Variants in LINGO2 observed in about 807,000 individuals in gnomAD.
LINGO2 encodes the protein leucine-rich repeat and immunoglobulin-like domain-containing nogo receptor-interacting protein 2.
In LINGO2, 14 loss-of-function variants were observed where a neutral mutation model predicts 30.6. The ratio of observed to expected loss-of-function variants is 0.46; its 90% confidence interval spans 0.30 to 0.72. LINGO2 has a LOEUF of 0.72. Ranked by LOEUF, LINGO2 falls within the 30% of genes least tolerant of loss-of-function variation. The probability of loss-of-function intolerance (pLI) is 0.07; values close to 1 mark genes in which losing one functional copy is unlikely to be tolerated. For synonymous variants in LINGO2, 317 were observed against 288.5 expected (o/e 1.10, Z -1.00); for missense variants, 729 against 751.7 (o/e 0.97, Z 0.35).
the LINGO2 span, among the ~76,000 whole-genome samples, chr9:28,732,636 T>C: frequency 6.6e-6 from 1 of 152,096 alleles, no homozygotes; most frequent in Non-Finnish European, 1.5e-5. Context: ...GAAATAAATA[T>C]AATTAAAAAT....
intron 2 of LINGO2, among the ~76,000 whole-genome samples, chr9:28,451,219 A>G (rs1451777333): frequency 3.3e-5 from 5 of 151,822 alleles, no homozygotes; most frequent in Non-Finnish European, 7.4e-5. Context: ...TTCACTTACA[A>G]TGTTCTTTAT....
At chr9:29,120,235 A>G in the LINGO2 span, among the ~76,000 whole-genome samples, 1 of 152,158 alleles carries the variant, frequency 6.6e-6, no homozygotes, top group Admixed American at 6.5e-5. Context: ...CTCAAACATA[A>G]ATTCAACAAA....
chr9:28,296,325 T>C (rs1194433845), intron 3 of LINGO2, among the ~76,000 whole-genome samples: 1 of 152,170 alleles, frequency 6.6e-6, no homozygotes, highest in Non-Finnish European at 1.5e-5. Context: ...TTAGATTTTT[T>C]ATAACTATAA....
rs552920109 is a variant in LINGO2 at position 28,072,007 on chromosome 9, T to A, written c.-86-59602A>T. On this transcript the variant is annotated intron_variant, in intron 4 of 5. Coordinates refer to ENST00000379992, the Ensembl canonical transcript of LINGO2. ...TATGATCGTCTGGTTAGAGCAAAGA[T>A]TTTCTTGAGACAAGATATACCAATC... Among the ~76,000 whole-genome samples the A allele has an allele frequency of 3.5e-4, 53 of 152,262 alleles. 1 individual carries two copies. In the South Asian group the frequency reaches 9.1e-3, roughly 26 times the overall value.
the LINGO2 span, among the ~76,000 whole-genome samples, chr9:28,932,039 G>A: frequency 4.4e-4 from 67 of 151,556 alleles, no homozygotes; most frequent in South Asian, 5.4e-3. Context: ...ACCGGGAGGC[G>A]AAGGTTGCAG....
chr9:28,287,257 A>G (rs1279279770), intron 4 of LINGO2, among the ~76,000 whole-genome samples: 3 of 152,234 alleles, frequency 2.0e-5, no homozygotes, highest in Non-Finnish European at 1.5e-5. Context: ...GCCGTACAAC[A>G]ATGGTAATTT....
At chr9:28,928,610 T>C in the LINGO2 span, among the ~76,000 whole-genome samples, 1 of 152,150 alleles carries the variant, frequency 6.6e-6, no homozygotes, top group Admixed American at 6.5e-5. Context: ...AAAGTGGAGA[T>C]TTTCATTCTC....
At chr9:28,837,745 TAG>T in the LINGO2 span, among the ~76,000 whole-genome samples, 2 of 144,454 alleles carry the variant, frequency 1.4e-5, no homozygotes, top group Non-Finnish European at 3.0e-5. Flanking sequence ...GAACTGGGCT[TAG>T]AGACAGATAG....
At chr9:27,949,445 T>A (rs377599950) in exon 6 of LINGO2, 25 of 1,613,928 alleles carry the variant, frequency 1.5e-5, no homozygotes, top group Non-Finnish European at 1.9e-5. Context: ...GGATTTTGGG[T>A]TTTTTGCAGG....
At chr9:28,559,313 T>C (rs1354352748) in intron 1 of LINGO2, among the ~76,000 whole-genome samples, 1 of 152,138 alleles carries the variant, frequency 6.6e-6, no homozygotes, top group African/African-American at 2.4e-5. Context: ...AGATCTTTAT[T>C]CTGAAATGTC....
the LINGO2 span, among the ~76,000 whole-genome samples, chr9:29,103,911 C>T: frequency 6.6e-6 from 1 of 152,168 alleles, no homozygotes; most frequent in Non-Finnish European, 1.5e-5. Flanking sequence ...CTTTTAATAG[C>T]TGCGCCTCAT....
chr9:28,721,368 A>G, the LINGO2 span, among the ~76,000 whole-genome samples: 1 of 152,202 alleles, frequency 6.6e-6, no homozygotes, highest in South Asian at 2.1e-4. Flanking sequence ...ACATATGTTT[A>G]TTGCAGCACT....
At chr9:28,874,608 C>T in the LINGO2 span, among the ~76,000 whole-genome samples, 1 of 151,942 alleles carries the variant, frequency 6.6e-6, no homozygotes, top group Non-Finnish European at 1.5e-5. Context: ...AGGCAAAATC[C>T]ATAAAATCTT....
intron 3 of LINGO2, among the ~76,000 whole-genome samples, chr9:28,317,431 A>G (rs568801437): frequency 3.3e-5 from 5 of 152,320 alleles, no homozygotes; most frequent in Middle Eastern, 3.4e-3. Flanking sequence ...TCTACCTTAG[A>G]TTAAACATGT....
chr9:28,944,336 G>A, the LINGO2 span, among the ~76,000 whole-genome samples: 24,321 of 144,314 alleles, frequency 0.17, 1,973 homozygotes, highest in South Asian at 0.21. Context: ...ATACAAAGGG[G>A]GCTGGACATA....
chr9:28,885,819 C>A, the LINGO2 span, among the ~76,000 whole-genome samples: 2 of 152,056 alleles, frequency 1.3e-5, no homozygotes, highest in African/African-American at 4.8e-5. Context: ...CTGAGGTTGC[C>A]ATGCAGAAAC....
intron 4 of LINGO2, among the ~76,000 whole-genome samples, chr9:28,166,733 CT>C (rs141759711): frequency 0.086 from 12,742 of 148,500 alleles, 710 homozygotes; most frequent in Middle Eastern, 0.14. Flanking sequence ...ATGATATTTC[CT>C]TTTTTTTTTC....
At chr9:28,834,821 G>T in the LINGO2 span, among the ~76,000 whole-genome samples, 1 of 151,768 alleles carries the variant, frequency 6.6e-6, no homozygotes, top group Admixed American at 6.6e-5. Context: ...GAAGAATTTT[G>T]TTCCAACATA....
the LINGO2 span, among the ~76,000 whole-genome samples, chr9:28,871,499 G>C: frequency 7.3e-5 from 11 of 151,594 alleles, no homozygotes; most frequent in Admixed American, 7.3e-4. Context: ...TACTACCTTA[G>C]TCATATGACA....
Sources: gnomAD v4.1 joint callset for allele counts (sites outside exome capture counted in the v4.1 genomes callset) on GRCh38, gnomAD v4.1.1 for gene constraint, MANE v1.5 for transcripts, NCBI Gene and HGNC (gene_info 2026-07-23, HGNC 2026-07-21) for gene names.